The following NKAIN3 variants were observed in gnomAD, a reference collection of about 807,000 sequenced individuals.
The protein encoded by NKAIN3 is sodium/potassium transporting ATPase interacting 3.
NKAIN3 carries 25 observed loss-of-function variants against 30.2 expected under a neutral mutation model. The ratio of observed to expected loss-of-function variants is 0.83; its 90% CI spans 0.60 to 1.16. NKAIN3 has a LOEUF of 1.16. NKAIN3 is among the 50% of genes most tolerant of loss of function. The probability of loss-of-function intolerance (pLI) is 0.00; values close to 1 mark genes in which losing one functional copy is unlikely to be tolerated. For missense variants in NKAIN3, 225 were observed against 254.1 expected (o/e 0.89, Z 0.78); for synonymous variants, 91 against 89.6 (o/e 1.02, Z -0.09).
chr8:62,316,057 C>T (rs1814613820), intron 1 of NKAIN3, among the ~76,000 whole-genome samples: 1 of 152,068 alleles, frequency 6.6e-6, no homozygotes, highest in African/African-American at 2.4e-5. Flanking sequence ...AGGGACTTTT[C>T]CCCCTTTTTC....
chr8:62,549,680 T>A (rs976751338), intron 1 of NKAIN3, among the ~76,000 whole-genome samples: 1 of 152,024 alleles, frequency 6.6e-6, no homozygotes, highest in Non-Finnish European at 1.5e-5. Flanking sequence ...ACATTCTTTC[T>A]CCCATTCTTT....
At chr8:62,759,011 C>G (rs1043272765) in intron 4 of NKAIN3, among the ~76,000 whole-genome samples, 1 of 152,142 alleles carries the variant, frequency 6.6e-6, no homozygotes, top group African/African-American at 2.4e-5. Flanking sequence ...CCCTAACACT[C>G]TAGTATTATC....
chr8:62,390,213 T>C (rs1019545483), intron 1 of NKAIN3, among the ~76,000 whole-genome samples: 4 of 152,060 alleles, frequency 2.6e-5, no homozygotes, highest in East Asian at 1.9e-4. Context: ...CACCCTCCAA[T>C]AGGCCCCAGT....
chr8:62,869,520 A>G (rs568383443), intron 4 of NKAIN3, among the ~76,000 whole-genome samples: 1 of 152,374 alleles, frequency 6.6e-6, no homozygotes, highest in South Asian at 2.1e-4. Context: ...ATGTTTCTCC[A>G]ATAGGCAAAT....
chr8:62,534,531 G>A (rs1199931634), intron 1 of NKAIN3, among the ~76,000 whole-genome samples: 1 of 152,136 alleles, frequency 6.6e-6, no homozygotes, highest in Non-Finnish European at 1.5e-5. Context: ...AATGTCACCT[G>A]TGAACTGTAA....
intron 2 of NKAIN3, among the ~76,000 whole-genome samples, chr8:62,580,103 A>C (rs1327304888): frequency 1.3e-5 from 2 of 152,202 alleles, no homozygotes; most frequent in Non-Finnish European, 2.9e-5. Flanking sequence ...TTAGTCACTG[A>C]AAACAATAAT....
At chr8:62,374,113 CAAAAAAAAAAA>C (rs66521184) in intron 1 of NKAIN3, among the ~76,000 whole-genome samples, 3 of 64,332 alleles carry the variant, frequency 4.7e-5, no homozygotes, top group South Asian at 7.8e-4. Context: ...ACTCCATCTC[CAAAAAAAAAAA>C]AAAAAAAAAA....
rs143670715 is a variant in NKAIN3, at chr8:62,901,919, C to A, written c.472-16534C>A. ...CACCTGCAACAGAAAGAGCTCCAGA[C>A]ATTGCCATTTGTAAAAACATACCCT... On this transcript the variant is annotated intron_variant, in intron 4 of 6. Transcript: ENST00000623646. Among the ~76,000 whole-genome samples, 443 of 152,328 alleles carry A rather than the reference C, an allele frequency of 2.9e-3. 2 individuals carry two copies. The highest frequency in any genetic ancestry group is 0.01 in the African/African-American group (427 of 41,588).
Position 62,548,672 on chromosome 8 carries a change from A to C in NKAIN3, c.55-30867A>C, listed in dbSNP as rs1486232792. On this transcript the variant is annotated intron_variant, in intron 1 of 6. Transcript: ENST00000623646. Reference sequence around the variant, plus strand: ...AAAAATTGTGAAAATTCTAACATGGAAATTTTATATTTTGTTAAGTAAAAA... The same window carrying C: ...AAAAATTGTGAAAATTCTAACATGGCAATTTTATATTTTGTTAAGTAAAAA... 1.1e-4 allele frequency among the ~76,000 whole-genome samples: 14 copies of C among 129,174 alleles called. No individual in the cohort carries two copies. In the East Asian group the frequency reaches 2.7e-3, roughly 25 times the overall value. 84.7% of individuals were successfully genotyped at this position (129,174 alleles called of 152,430 possible).
At chr8:62,697,212 A>G (rs1406992160) in intron 3 of NKAIN3, among the ~76,000 whole-genome samples, 1 of 152,144 alleles carries the variant, frequency 6.6e-6, no homozygotes, top group African/African-American at 2.4e-5. Flanking sequence ...AGAGCCCTAC[A>G]TGATCTACAG....
intron 4 of NKAIN3, among the ~76,000 whole-genome samples, chr8:62,886,757 A>C (rs1305270906): frequency 6.6e-6 from 1 of 152,052 alleles, no homozygotes; most frequent in Admixed American, 6.6e-5. Flanking sequence ...CCATCAACCT[A>C]TCATCTAGGT....
At chr8:62,294,725 G>A (rs1813770283) in intron 1 of NKAIN3, among the ~76,000 whole-genome samples, 1 of 151,916 alleles carries the variant, frequency 6.6e-6, no homozygotes, top group African/African-American at 2.4e-5. Flanking sequence ...TAATTTTTTT[G>A]GTAGAGATGG....
intron 1 of NKAIN3, among the ~76,000 whole-genome samples, chr8:62,354,996 C>G (rs1405807043): frequency 6.6e-6 from 1 of 152,158 alleles, no homozygotes; most frequent in Non-Finnish European, 1.5e-5. Context: ...TCCCTTTTCT[C>G]TAGAGGGTGA....
chr8:62,824,448 T>G (rs955840095), intron 4 of NKAIN3, among the ~76,000 whole-genome samples: 3 of 151,818 alleles, frequency 2.0e-5, no homozygotes, highest in Non-Finnish European at 4.4e-5. Context: ...AATTTGAATA[T>G]AAAGTGATTC....
At chr8:62,368,193 A>T (rs1243078337) in intron 1 of NKAIN3, among the ~76,000 whole-genome samples, 1 of 152,152 alleles carries the variant, frequency 6.6e-6, no homozygotes, top group African/African-American at 2.4e-5. Context: ...AATCCCAATG[A>T]TATTCTGTAT....
At chr8:62,932,995 AACACACACAC>A (rs59854103) in intron 5 of NKAIN3, among the ~76,000 whole-genome samples, 1 of 141,794 alleles carries the variant, frequency 7.1e-6, no homozygotes, top group African/African-American at 2.7e-5. Context: ...TCACTCAATG[AACACACACAC>A]ACACACACAC....
In NKAIN3 at chr8:62,346,719, C is replaced by G. The variant is rs574206928; in HGVS notation, c.54+97592C>G. On this transcript the variant is annotated intron_variant, in intron 1 of 6. Transcript: ENST00000623646. ...TGCCACTAGAAAGGTTGACCTGAGT[C>G]CAGTTATTCTACATTAGTAATTCAC... Among the ~76,000 whole-genome samples, 7 of 152,144 alleles carry G rather than the reference C, an allele frequency of 4.6e-5. 1 individual carries two copies. The South Asian group carries it at 1.5e-3, about 32-fold the overall frequency.
chr8:62,454,301 C>CAAAAAAAAAAAAAAAAAAAAAAAA (rs201511724), intron 1 of NKAIN3, among the ~76,000 whole-genome samples: 580 of 56,078 alleles, frequency 0.01, 70 homozygotes, highest in Non-Finnish European at 0.015. Context: ...AGCTGATGTG[C>CAAAAAAAAAAAAAAAAAAAAAAAA]AAAAAAAAAA....
At chr8:62,351,547 TATATC>T (rs1190089232) in intron 1 of NKAIN3, among the ~76,000 whole-genome samples, 60 of 150,322 alleles carry the variant, frequency 4.0e-4, no homozygotes, top group Middle Eastern at 3.5e-3. Flanking sequence ...ATACACAACA[TATATC>T]ATATATAATA....
Sources: allele counts gnomAD v4.1 joint callset (sites outside exome capture counted in the v4.1 genomes callset), GRCh38; gene constraint gnomAD v4.1.1; transcripts MANE v1.5; gene names NCBI Gene and HGNC (gene_info 2026-07-23, HGNC 2026-07-21).